DLG2: variants seen among roughly 807,000 people sequenced by gnomAD.
The protein encoded by DLG2 is discs large MAGUK scaffold protein 2, also known as disks large homolog 2.
DLG2 carries 45 observed loss-of-function variants against 132.5 expected under a neutral mutation model. The ratio of observed to expected loss-of-function variants is 0.34; its 90% CI spans 0.27 to 0.44. The LOEUF is 0.44. DLG2 is among the 20% of genes least tolerant of loss of function. The pLI is 1.00. For missense variants in DLG2, 1,045 were observed against 1,196.9 expected, an observed-to-expected ratio of 0.87 and a Z score of 1.87; for synonymous variants, 424 against 419.6, an observed-to-expected ratio of 1.01 and a Z score of -0.13.
intron 6 of DLG2, among the ~76,000 whole-genome samples, chr11:84,920,885 A>G (rs1432191847): frequency 6.6e-6 from 1 of 152,150 alleles, no homozygotes; most frequent in African/African-American, 2.4e-5. Context: ...TTAGTGGTCT[A>G]TTGTGTGCAG....
At chr11:83,814,189 A>G (rs2048180948) in intron 17 of DLG2, among the ~76,000 whole-genome samples, 1 of 152,160 alleles carries the variant, frequency 6.6e-6, no homozygotes, top group Non-Finnish European at 1.5e-5. Flanking sequence ...GCAAGTGCAT[A>G]TACATACAAG....
At chr11:84,368,090 G>T (rs1180465809) in intron 7 of DLG2, among the ~76,000 whole-genome samples, 1 of 151,936 alleles carries the variant, frequency 6.6e-6, no homozygotes, top group African/African-American at 2.4e-5. Context: ...TGCTTTTATT[G>T]TATTGTCACA....
chr11:85,129,717 A>T (rs528148330), intron 5 of DLG2, among the ~76,000 whole-genome samples: 1 of 152,312 alleles, frequency 6.6e-6, no homozygotes, highest in South Asian at 2.1e-4. Flanking sequence ...TATATACCCA[A>T]AAGATTATAA....
intron 6 of DLG2, among the ~76,000 whole-genome samples, chr11:84,548,697 T>C (rs2154523556): frequency 6.6e-6 from 1 of 152,274 alleles, no homozygotes; most frequent in South Asian, 2.1e-4. Context: ...ACATTTGGGT[T>C]GGTTCCAAGT....
At chr11:85,321,906 T>C (rs2081096079) in intron 3 of DLG2, among the ~76,000 whole-genome samples, 1 of 152,010 alleles carries the variant, frequency 6.6e-6, no homozygotes, top group East Asian at 1.9e-4. Flanking sequence ...TTGTTGAGTC[T>C]GGAGTAAATG....
chr11:83,792,260 A>G (rs1246299751), intron 17 of DLG2, among the ~76,000 whole-genome samples: 1 of 151,924 alleles, frequency 6.6e-6, no homozygotes, highest in Non-Finnish European at 1.5e-5. Context: ...TATATGCATT[A>G]CTTGTTTTTT....
At chr11:85,473,123 A>C (rs1597664675) in intron 3 of DLG2, among the ~76,000 whole-genome samples, 1 of 152,214 alleles carries the variant, frequency 6.6e-6, no homozygotes, top group Admixed American at 6.5e-5. Flanking sequence ...CAGAGCTGGC[A>C]CCTGAAGCCG....
At chr11:84,351,088 C>A (rs1486391312) in intron 7 of DLG2, among the ~76,000 whole-genome samples, 1 of 151,932 alleles carries the variant, frequency 6.6e-6, no homozygotes, top group Non-Finnish European at 1.5e-5. Context: ...AAATATTTTT[C>A]TGTACTTTAA....
At chr11:84,608,366 G>C (rs2099589467) in intron 6 of DLG2, among the ~76,000 whole-genome samples, 2 of 152,148 alleles carry the variant, frequency 1.3e-5, no homozygotes, top group Non-Finnish European at 2.9e-5. Context: ...ACCTAGGGTA[G>C]AAACAAGCTG....
rs140702656 is a variant in DLG2, at chr11:83,712,591, C to T, written c.1825+74099G>A. Among the ~76,000 whole-genome samples, 122 of 152,254 alleles carry T rather than the reference C, an allele frequency of 8.0e-4. No homozygotes were observed. The East Asian group carries it at 0.015, about 19-fold the overall frequency. Reference sequence around the variant, plus strand: ...GTTGCAGTGAGCTGAGATCATGCCACTTCACTCCAGCCTGGGCAAGAGAAC... The same window carrying T: ...GTTGCAGTGAGCTGAGATCATGCCATTTCACTCCAGCCTGGGCAAGAGAAC... On this transcript the variant is annotated intron_variant, in intron 18 of 27. Transcript: ENST00000376104.
chr11:83,708,580 A>T (rs2084613950), intron 18 of DLG2, among the ~76,000 whole-genome samples: 1 of 152,164 alleles, frequency 6.6e-6, no homozygotes, highest in Admixed American at 6.5e-5. Flanking sequence ...GTACCTCCCC[A>T]ATTTCGTATC....
At chr11:84,941,446 A>T (rs2049405721) in intron 6 of DLG2, among the ~76,000 whole-genome samples, 3 of 152,204 alleles carry the variant, frequency 2.0e-5, no homozygotes, top group Middle Eastern at 3.4e-3. Context: ...GTAGAGTTAA[A>T]TTTTATCAAA....
At chr11:84,251,353 C>T in intron 7 of DLG2, 62 bp from the exon 8 acceptor site, 1 of 1,274,244 alleles carries the variant, frequency 7.8e-7, no homozygotes, top group Admixed American at 2.8e-5. Context: ...CAGATTATTT[C>T]TGTTAACTTA....
At chr11:83,984,816 T>C (rs1460013971) in intron 11 of DLG2, among the ~76,000 whole-genome samples, 1 of 152,184 alleles carries the variant, frequency 6.6e-6, no homozygotes, top group East Asian at 1.9e-4. Context: ...CTTAAACATT[T>C]ATCATTTCTT....
intron 6 of DLG2, among the ~76,000 whole-genome samples, chr11:85,069,736 T>G (rs1209192609): frequency 6.6e-6 from 1 of 152,130 alleles, no homozygotes; most frequent in Non-Finnish European, 1.5e-5. Flanking sequence ...ATTGTGGAAG[T>G]CAGTGTGGCG....
At chr11:85,419,498 G>A (rs2090129468) in intron 3 of DLG2, among the ~76,000 whole-genome samples, 1 of 152,160 alleles carries the variant, frequency 6.6e-6, no homozygotes, top group Non-Finnish European at 1.5e-5. Flanking sequence ...AAGTTCTCAT[G>A]GATAATATCC....
chr11:83,505,875 C>T (rs1454367516), intron 21 of DLG2, among the ~76,000 whole-genome samples: 1 of 152,112 alleles, frequency 6.6e-6, no homozygotes, highest in Non-Finnish European at 1.5e-5. Context: ...TGAACCAGGA[C>T]CCAGTCTTCT....
intron 18 of DLG2, among the ~76,000 whole-genome samples, chr11:83,702,564 G>C (rs755642777): frequency 1.3e-5 from 2 of 152,156 alleles, no homozygotes; most frequent in Non-Finnish European, 2.9e-5. Flanking sequence ...GAAGAAGAAG[G>C]CCAGGTTTGT....
At chr11:84,424,942 A>G (rs1472945004) in intron 7 of DLG2, among the ~76,000 whole-genome samples, 1 of 152,036 alleles carries the variant, frequency 6.6e-6, no homozygotes, top group Non-Finnish European at 1.5e-5. Context: ...TAAGAGGGAA[A>G]AACTGGCATA....
Sources: allele counts gnomAD v4.1 joint callset (sites outside exome capture counted in the v4.1 genomes callset), GRCh38; gene constraint gnomAD v4.1.1; transcripts MANE v1.5; gene names NCBI Gene and HGNC (gene_info 2026-07-23, HGNC 2026-07-21).